Variants in TIMM8A observed in about 807,000 individuals in gnomAD.
The protein encoded by TIMM8A is mitochondrial import inner membrane translocase subunit Tim8 A.
Under a neutral mutation model 6.8 loss-of-function variants are expected in TIMM8A, and 2 were observed. The ratio of observed to expected loss-of-function variants is 0.30; its 90% CI spans 0.12 to 0.93. The LOEUF is 0.93. Among genes scored for constraint, TIMM8A ranks in the 40% least tolerant of loss-of-function variants. TIMM8A has a pLI of 0.55. For synonymous variants in TIMM8A, 26 were observed against 28.5 expected (o/e 0.91, Z 0.28); for missense variants, 34 against 75.2 (o/e 0.45, Z 2.02).
intron 1 of TIMM8A, 31 bp downstream of exon 1, chrX:101,348,502 A>T: frequency 8.3e-7 from 1 of 1,200,279 alleles, no homozygotes; most frequent in Non-Finnish European, 1.1e-6. Flanking sequence ...AAGTAGGTAC[A>T]GTGTTCAGGT....
intron 1 of TIMM8A, 195 bp from the exon 2 acceptor site, chrX:101,346,855 A>ATT (rs1292984975): frequency 3.8e-5 from 16 of 422,049 alleles, no homozygotes; most frequent in South Asian, 8.2e-5. Context: ...AAATTCTTAC[A>ATT]ACAATACTAT....
intron 1 of TIMM8A, chrX:101,348,293 T>C: frequency 1.7e-6 from 2 of 1,164,648 alleles, no homozygotes; most frequent in Non-Finnish European, 2.3e-6. Flanking sequence ...TCCAGTGGCA[T>C]AAGTCTTCTT....
Position 101,348,665 on chromosome X carries a change from C to A in TIMM8A, c.-1G>T. On this transcript the variant is annotated 5_prime_UTR_variant, in exon 1 of 2. Transcript: ENST00000372902. ...CGGAGGAAGAGGAGGAGGAATCCAT[C>A]CCAGGGCGACCAAGCTTGCAGAGAC... is the stretch of plus-strand genomic sequence containing the variant. The A allele has an allele frequency of 8.3e-7, 1 of 1,211,152 alleles. No homozygotes were observed. The highest frequency in any genetic ancestry group is 1.1e-6 in the Non-Finnish European group (1 of 895,439).
chrX:101,345,817 T>C lies in TIMM8A; in HGVS notation c.*682A>G, dbSNP rs1355747684. On this transcript the variant is annotated 3_prime_UTR_variant, in exon 2 of 2. Transcript: ENST00000372902. ...TATTTAGGCACATCACTGAATTTTT[T>C]GTACCCTGATATACAGGGTAAGTTA... 20 of 751,840 alleles carry C rather than the reference T, an allele frequency of 2.7e-5. No individual in the cohort carries two copies. In the African/African-American group the frequency reaches 4.4e-4, roughly 17 times the overall value. 62.0% of individuals were successfully genotyped at this position (751,840 alleles called of 1,213,427 possible).
Position 101,348,292 on chromosome X carries a change from A to G in TIMM8A, c.132+241T>C. The G allele has an allele frequency of 4.3e-6, 5 of 1,164,930 alleles. 1 individual carries two copies. The South Asian group carries it at 5.7e-5, about 13-fold the overall frequency. On this transcript the variant is annotated intron_variant, in intron 1 of 1. Transcript: ENST00000372902. ...CTGAAAGTGCTGGGTGTCCAGTGGC[A>G]TAAGTCTTCTTTGATACCCAGTCCT... is the stretch of plus-strand genomic sequence containing the variant.
At chrX:101,347,556 G>C (rs1926104543) in intron 1 of TIMM8A, 1 of 111,310 alleles carries the variant, frequency 9.0e-6, no homozygotes, top group Non-Finnish European at 1.9e-5. Flanking sequence ...GCGCCGGGCA[G>C]CTTACAGATT....
rs1339842505 is a variant in TIMM8A, at chrX:101,346,010, T to G, written c.*489A>C. On this transcript the variant is annotated 3_prime_UTR_variant, in exon 2 of 2. Coordinates refer to ENST00000372902, the MANE Select transcript of TIMM8A (RefSeq NM_004085.4). ...GAAAGGGAGATCAAGATAACTGAAG[T>G]GTACTGTATAAACACTCTTACAGAT... is the stretch of plus-strand genomic sequence containing the variant. The G allele has an allele frequency of 3.0e-5, 23 of 762,211 alleles. No homozygotes were observed. The highest frequency in any genetic ancestry group is 4.7e-5 in the African/African-American group (2 of 42,810). The allele number at this position is 762,211 out of a possible 1,213,427, so 62.8% of individuals were successfully genotyped here.
Position 101,346,563 on chromosome X carries a change from A to G in TIMM8A, c.230T>C (p.Ile77Thr), listed in dbSNP as rs1926074384. 1.7e-6 allele frequency: 2 copies of G among 1,210,349 alleles called. No individual in the cohort carries two copies. Among genetic ancestry groups the G allele is most frequent in the Non-Finnish European group, 2.2e-6 (2 of 895,407 alleles). The change falls in exon 2 of 2, where the codon ATC becomes ACC. Residue 77 changes from isoleucine to threonine, a missense_variant. By Grantham distance (89) the Ile-to-Thr change is moderately conservative. Transcript: ENST00000372902. ...CTGGGTCTGTTCCAGTCGATTCAAG[A>G]TGAACTGGCTTGTATCAATGAAGCG... The part of the protein sequence containing the change: ...VERFIDTSQF[I>T]LNRLEQTQKS...
At chrX:101,346,699 G>T in intron 1 of TIMM8A, 39 bp from the exon 2 acceptor site, 1 of 1,197,112 alleles carries the variant, frequency 8.4e-7, no homozygotes, top group Admixed American at 2.2e-5. Flanking sequence ...AGGGAACTTG[G>T]AAAGAAAAAG....
chrX:101,348,689 A>T lies in TIMM8A; in HGVS notation c.-25T>A. The stretch of plus-strand genomic sequence containing the variant: ...TCCCAGGGCGACCAAGCTTGCAGAG[A>T]CGAACTCCGCACCGACCTTCACGTG... On this transcript the variant is annotated 5_prime_UTR_variant, in exon 1 of 2. Coordinates refer to ENST00000372902, the MANE Select transcript of TIMM8A (RefSeq NM_004085.4). 2 of 1,207,799 alleles carry T rather than the reference A, an allele frequency of 1.7e-6. No individual in the cohort carries two copies. Among genetic ancestry groups the T allele is most frequent in the Non-Finnish European group, 2.2e-6 (2 of 893,552 alleles).
chrX:101,346,533 G>C lies in TIMM8A; in HGVS notation c.260C>G (p.Ser87Cys). The change falls in exon 2 of 2, where the codon TCC becomes TGC. Residue 87 changes from serine (S) to cysteine (C), a missense_variant. Ser to Cys is a moderately radical substitution (Grantham distance 112). Transcript: ENST00000372902. ...ILNRLEQTQK[S>C]KPVFSESLSD Reference sequence around the variant, plus strand: ...AAGGCTTTCTGAGAAAACTGGCTTGGATTTCTGGGTCTGTTCCAGTCGATT... The same window carrying C: ...AAGGCTTTCTGAGAAAACTGGCTTGCATTTCTGGGTCTGTTCCAGTCGATT... The C allele has an allele frequency of 1.1e-5, 13 of 1,211,380 alleles. No individual in the cohort carries two copies. Among genetic ancestry groups the C allele is most frequent in the Non-Finnish European group, 1.5e-5 (13 of 895,564 alleles).
chrX:101,347,022 G>T, intron 1 of TIMM8A: 1 of 172,014 alleles, frequency 5.8e-6, no homozygotes, highest in Non-Finnish European at 1.1e-5. Flanking sequence ...CAATGAATTT[G>T]GTTTTAACTC....
Position 101,345,855 on chromosome X carries a change from T to C in TIMM8A, c.*644A>G, listed in dbSNP as rs1926054544. On this transcript the variant is annotated 3_prime_UTR_variant, in exon 2 of 2. Transcript: ENST00000372902. ...ACAGGGTAAGTTAATTTCTTCCTTG[T>C]GGCAGTCTAGTAATAAGAATTATGT... 5 of 752,902 alleles carry C rather than the reference T, an allele frequency of 6.6e-6. No homozygotes were observed. Among genetic ancestry groups the C allele is most frequent in the Non-Finnish European group, 7.8e-6 (5 of 638,124 alleles). The allele number at this position is 752,902 out of a possible 1,213,427, so 62.0% of individuals were successfully genotyped here.
chrX:101,347,046 G>A, intron 1 of TIMM8A: 1 of 144,836 alleles, frequency 6.9e-6, no homozygotes, highest in Non-Finnish European at 1.3e-5. Flanking sequence ...AATGCTGTTT[G>A]AACTAAATGC....
chrX:101,346,005 T>C lies in TIMM8A; in HGVS notation c.*494A>G. ...TATAGGAAAGGGAGATCAAGATAAC[T>C]GAAGTGTACTGTATAAACACTCTTA... On this transcript the variant is annotated 3_prime_UTR_variant, in exon 2 of 2. Transcript: ENST00000372902. The C allele has an allele frequency of 2.6e-6, 2 of 757,553 alleles. No individual in the cohort carries two copies. Among genetic ancestry groups the C allele is most frequent in the Non-Finnish European group, 3.1e-6 (2 of 641,407 alleles). The allele number at this position is 757,553 out of a possible 1,213,427, so 62.4% of individuals were successfully genotyped here. A position where few individuals can be genotyped will look rare whatever the true frequency, so the allele number is the denominator to read the frequency against.
chrX:101,347,880 G>T, intron 1 of TIMM8A: 1 of 219,993 alleles, frequency 4.5e-6, no homozygotes, highest in Non-Finnish European at 6.9e-6. Context: ...CATTAAGGGA[G>T]ATCTGTCCTT....
intron 1 of TIMM8A, chrX:101,347,386 G>C (rs1192754041): frequency 1.8e-5 from 2 of 109,225 alleles, no homozygotes; most frequent in African/African-American, 6.7e-5. Context: ...TCAGCTTCCT[G>C]AGTAGCTGGG....
In TIMM8A at chrX:101,348,532, C is replaced by T; in HGVS notation, c.132+1G>A. The stretch of plus-strand genomic sequence containing the variant: ...TCAGGTCCCAGCCCCAGGCTCCTCA[C>T]CCAACAAAGTTCAGTCATCTGGTGC... On this transcript the variant is annotated splice_donor_variant, in intron 1 of 1. Coordinates refer to ENST00000372902, the MANE Select transcript of TIMM8A (RefSeq NM_004085.4). LOFTEE classifies it high-confidence loss of function. The T allele has an allele frequency of 8.3e-7, 1 of 1,209,685 alleles. No homozygotes were observed. Among genetic ancestry groups the T allele is most frequent in the Non-Finnish European group, 1.1e-6 (1 of 895,009 alleles).
chrX:101,346,746 G>A, intron 1 of TIMM8A, 86 bp from the exon 2 acceptor site: 2 of 995,154 alleles, frequency 2.0e-6, no homozygotes. Flanking sequence ...GTTGCTTAGA[G>A]AAAAAAAAAC....
Sources: allele counts gnomAD v4.1 joint callset, GRCh38; gene constraint gnomAD v4.1.1; transcripts MANE v1.5; gene names NCBI Gene and HGNC (gene_info 2026-07-23, HGNC 2026-07-21).